The following NLRC4 variants were observed in gnomAD, a reference collection of about 807,000 sequenced individuals.
NLRC4 encodes NLR family CARD domain containing 4, also known as NLR family CARD domain-containing protein 4.
NLRC4 carries 63 observed loss-of-function variants against 79.9 expected under a neutral mutation model. The ratio of observed to expected loss-of-function variants is 0.79; its 90% CI spans 0.64 to 0.97. The LOEUF (loss-of-function observed/expected upper bound fraction) is 0.97. Ranked by LOEUF, NLRC4 falls within the 50% of genes least tolerant of loss-of-function variation. NLRC4 has a pLI of 0.00. For missense variants in NLRC4, 1,074 were observed against 1,215.2 expected (o/e 0.88, Z 1.73); for synonymous variants, 461 against 456.5 (o/e 1.01, Z -0.12).
intron 4 of NLRC4, among the ~76,000 whole-genome samples, chr2:32,249,246 G>A (rs1226875716): frequency 6.6e-6 from 1 of 152,188 alleles, no homozygotes; most frequent in African/African-American, 2.4e-5. Flanking sequence ...ACTGCAGGTT[G>A]GATAAGCTTG....
In NLRC4 at chr2:32,224,688, A is replaced by T. The variant is rs1407417889; in HGVS notation, c.2860T>A (p.Trp954Arg). The change falls in exon 9 of 9, where the codon TGG (tryptophan) becomes AGG (arginine). Residue 954 changes from tryptophan (W) to arginine (R), a missense_variant. Transcript: ENST00000402280. ...LAGNRVSSDG[W>R]LAFMGVFENL... ...TCAAATACACCCATGAAGGCAAGCC[A>T]TCCATCACTGCTCACACGATTTCCC... 6.2e-7 allele frequency: 1 copy of T among 1,613,014 alleles called. No individual in the cohort carries two copies. The highest frequency in any genetic ancestry group is 1.3e-5 in the African/African-American group (1 of 74,912).
intron 5 of NLRC4, among the ~76,000 whole-genome samples, chr2:32,238,538 G>A (rs1686723270): frequency 1.3e-5 from 2 of 152,156 alleles, no homozygotes; most frequent in African/African-American, 4.8e-5. Flanking sequence ...TTAGTAGCAT[G>A]AGAAACACTG....
intron 6 of NLRC4, among the ~76,000 whole-genome samples, chr2:32,237,037 A>G (rs1355044212): frequency 6.6e-6 from 1 of 152,206 alleles, no homozygotes; most frequent in Non-Finnish European, 1.5e-5. Context: ...TTGAATGACA[A>G]AGACACAAAT....
In NLRC4 at chr2:32,224,551, T is replaced by A; in HGVS notation, c.2997A>T (p.Glu999Asp). 1.2e-6 allele frequency: 2 copies of A among 1,613,974 alleles called. No individual in the cohort carries two copies. The highest frequency in any genetic ancestry group is 1.7e-6 in the Non-Finnish European group (2 of 1,179,868). Residue 999 changes from glutamate (E) to aspartate (D), a missense_variant, in exon 9 of 9, where the codon GAA (glutamate) becomes GAT (aspartate). By Grantham distance (45) the Glu-to-Asp change is conservative (BLOSUM62 2). Coordinates refer to ENST00000402280, the MANE Select transcript of NLRC4 (RefSeq NM_001199138.2). ...CAAATTGCCACCCAACAAGCCTAGC[T>A]TCTTGCAGAAAAGTTAACTTGGATA... Reference protein sequence around the residue: ...QVLSKLTFLQEARLVGWQFDD... With the variant: ...QVLSKLTFLQDARLVGWQFDD...
chr2:32,245,038 G>C (rs563900731), intron 4 of NLRC4, among the ~76,000 whole-genome samples: 2 of 151,386 alleles, frequency 1.3e-5, no homozygotes, highest in Non-Finnish European at 2.9e-5. Context: ...GACCGGGCAC[G>C]GTGGCTCATG....
At chr2:32,239,225 G>A (rs972449470) in intron 5 of NLRC4, among the ~76,000 whole-genome samples, 20 of 152,180 alleles carry the variant, frequency 1.3e-4, no homozygotes, top group Non-Finnish European at 7.3e-5. Flanking sequence ...AGGTTGCAGT[G>A]AGCCAACATC....
At chr2:32,260,571 T>C (rs958740151) in intron 1 of NLRC4, among the ~76,000 whole-genome samples, 10 of 152,128 alleles carry the variant, frequency 6.6e-5, no homozygotes, top group Admixed American at 4.6e-4. Flanking sequence ...TCTTTTCTAA[T>C]AAAAAGCAGC....
chr2:32,231,823 G>C (rs886466336), intron 8 of NLRC4, among the ~76,000 whole-genome samples: 2 of 151,952 alleles, frequency 1.3e-5, no homozygotes, highest in Admixed American at 6.6e-5. Context: ...GCCTCCCAGA[G>C]TGCTGGGATT....
intron 4 of NLRC4, among the ~76,000 whole-genome samples, chr2:32,248,496 G>T (rs940609494): frequency 6.6e-6 from 1 of 152,204 alleles, no homozygotes. Flanking sequence ...CCAGGCAAAG[G>T]CTAAGTCATT....
chr2:32,255,406 G>A (rs1687182596), intron 2 of NLRC4, among the ~76,000 whole-genome samples: 1 of 151,656 alleles, frequency 6.6e-6, no homozygotes, highest in Non-Finnish European at 1.5e-5. Context: ...TGTAATCCCA[G>A]CTACTCGGGA....
At chr2:32,242,410 T>A (rs1449036078) in intron 4 of NLRC4, among the ~76,000 whole-genome samples, 1 of 152,168 alleles carries the variant, frequency 6.6e-6, no homozygotes, top group Non-Finnish European at 1.5e-5. Context: ...TGACAACATA[T>A]ATGAAATTGA....
chr2:32,239,986 T>C (rs2148935903), intron 5 of NLRC4, among the ~76,000 whole-genome samples: 1 of 152,322 alleles, frequency 6.6e-6, no homozygotes, highest in South Asian at 2.1e-4. Context: ...GCTTTTGTTT[T>C]TGTTTTTGTT....
intron 5 of NLRC4, among the ~76,000 whole-genome samples, chr2:32,239,982 GT>G (rs1205379703): frequency 3.3e-5 from 5 of 151,984 alleles, no homozygotes; most frequent in African/African-American, 1.2e-4. Context: ...TTTTGCTTTT[GT>G]TTTTGTTTTT....
intron 8 of NLRC4, 52 bp downstream of exon 8, chr2:32,235,349 A>T (rs1686647163): frequency 7.0e-7 from 1 of 1,420,298 alleles, no homozygotes; most frequent in African/African-American, 1.4e-5. Flanking sequence ...CCAACTTAAG[A>T]ATTTTTTAAG....
chr2:32,249,176 C>T (rs997100082), intron 4 of NLRC4, among the ~76,000 whole-genome samples: 1 of 152,174 alleles, frequency 6.6e-6, no homozygotes, highest in African/African-American at 2.4e-5. Flanking sequence ...TTGGGCTACA[C>T]AAAAATGAAT....
intron 4 of NLRC4, among the ~76,000 whole-genome samples, chr2:32,242,477 G>A (rs567784886): frequency 2.0e-5 from 3 of 152,082 alleles, no homozygotes; most frequent in Non-Finnish European, 4.4e-5. Context: ...GTAGGTAACC[G>A]GAATAACCTT....
intron 4 of NLRC4, among the ~76,000 whole-genome samples, chr2:32,242,803 T>C: frequency 6.6e-6 from 1 of 152,158 alleles, no homozygotes; most frequent in Middle Eastern, 3.2e-3. Flanking sequence ...TCCCCGTGCT[T>C]TGGGGGGCAG....
At chr2:32,261,546 G>A (rs2148949166) in intron 1 of NLRC4, among the ~76,000 whole-genome samples, 1 of 149,034 alleles carries the variant, frequency 6.7e-6, no homozygotes, top group East Asian at 2.1e-4. Context: ...TCCTGATCTT[G>A]TGATCTGCCT....
chr2:32,253,296 C>T (rs1410706210), intron 2 of NLRC4, among the ~76,000 whole-genome samples: 1 of 151,654 alleles, frequency 6.6e-6, no homozygotes, highest in African/African-American at 2.4e-5. Context: ...ATTACAGGCA[C>T]GCACCACCAC....
Sources: allele counts gnomAD v4.1 joint callset (sites outside exome capture counted in the v4.1 genomes callset), GRCh38; gene constraint gnomAD v4.1.1; transcripts MANE v1.5; gene names NCBI Gene and HGNC (gene_info 2026-07-23, HGNC 2026-07-21).